Variants in ABCA3 observed in about 807,000 individuals in gnomAD.
ABCA3 encodes phospholipid-transporting ATPase ABCA3.
A neutral mutation model predicts 172.8 loss-of-function variants in ABCA3; 88 were observed. That is an observed-to-expected ratio of 0.51 (90% CI 0.43 to 0.61). ABCA3 has a LOEUF of 0.61. Ranked by LOEUF, ABCA3 falls within the 20% of genes least tolerant of loss-of-function variation. The pLI is 0.00. For synonymous variants in ABCA3, 1,066 were observed against 983.8 expected (o/e 1.08, Z -1.56); for missense variants, 2,164 against 2,301.0 (o/e 0.94, Z 1.22).
intron 1 of ABCA3, among the ~76,000 whole-genome samples, chr16:2,335,310 G>A (rs773041401): frequency 6.6e-6 from 1 of 152,034 alleles, no homozygotes; most frequent in Non-Finnish European, 1.5e-5. Context: ...TGATTTGTTT[G>A]TTTGTTTGTT....
chr16:2,288,084 C>T lies in ABCA3; in HGVS notation c.2946G>A (p.Leu982=), dbSNP rs374577775. 6.2e-6 allele frequency: 10 copies of T among 1,613,296 alleles called. No individual in the cohort carries two copies. The highest frequency in any genetic ancestry group is 8.5e-6 in the Non-Finnish European group (10 of 1,180,030). Reference sequence around the variant, plus strand: ...GCAGTGCGTCTTTCAGATGCTCTGACAGCTGCTGACCCAGCTGGGAGGTCC... The same window carrying T: ...GCAGTGCGTCTTTCAGATGCTCTGATAGCTGCTGACCCAGCTGGGAGGTCC... ...VPGTSQLGQQ[L]SEHLKDALQA... The change falls in exon 21 of 33, where the codon CTG becomes CTA. Residue 982 remains leucine, a synonymous_variant. Coordinates refer to ENST00000301732, the MANE Select transcript of ABCA3 (RefSeq NM_001089.3).
Position 2,285,015 on chromosome 16 carries a change from A to G in ABCA3, c.3484-17T>C. On this transcript the variant is annotated splice_polypyrimidine_tract_variant and intron_variant, in intron 23 of 32. Transcript: ENST00000301732. This position sits in a 1 kb window ranked among gnomAD's most constrained non-coding sequence, Gnocchi z 4.7. ...AAACACCACCTGCGGCGGCACAGGG[A>G]GGCGCTGCTGTGCATGCCAAGCTGA... 6.2e-7 allele frequency: 1 copy of G among 1,609,566 alleles called. No homozygotes were observed. The highest frequency in any genetic ancestry group is 8.5e-7 in the Non-Finnish European group (1 of 1,178,686).
chr16:2,324,614 A>G (rs2093731504), intron 5 of ABCA3, 83 bp from the exon 6 acceptor site: 7 of 1,585,826 alleles, frequency 4.4e-6, no homozygotes, highest in Non-Finnish European at 6.0e-6. Flanking sequence ...TCACTGGCAG[A>G]TGAAAGACGG....
At position 2,297,551 on chromosome 16, in the gene ABCA3, G is replaced by C; in HGVS notation, c.2053-12C>G. 6.2e-7 allele frequency: 1 copy of C among 1,611,680 alleles called. No homozygotes were observed. Among genetic ancestry groups the C allele is most frequent in the South Asian group, 1.1e-5 (1 of 91,016 alleles). On this transcript the variant is annotated splice_polypyrimidine_tract_variant and intron_variant, in intron 16 of 32. Coordinates refer to ENST00000301732, the MANE Select transcript of ABCA3 (RefSeq NM_001089.3). This position sits in a 1 kb window ranked among gnomAD's most constrained non-coding sequence, Gnocchi z 5.6. ...TCCAGTATCAGCACCTGGAGGGAGAGACACAGTCTCGCGACGCTGGTAGAG... is the reference window on the plus strand; with the variant it reads ...TCCAGTATCAGCACCTGGAGGGAGACACACAGTCTCGCGACGCTGGTAGAG...
At position 2,317,349 on chromosome 16, in the gene ABCA3, A is replaced by G. The variant is rs1168214760; in HGVS notation, c.1045T>C (p.Phe349Leu). Residue 349 changes from phenylalanine (F) to leucine (L), a missense_variant, in exon 10 of 33, where the codon TTC (phenylalanine) becomes CTC (leucine). By Grantham distance (22) the Phe-to-Leu change is conservative. Transcript: ENST00000301732. ...GTAGAGATGGCGAAGCACAGCAGGA[A>G]GGCGAGCACCAGGGAGGGGTCGCTG... Reference protein sequence around the residue: ...SRSDPSLVLAFLLCFAISTIS... With the variant: ...SRSDPSLVLALLLCFAISTIS... 1 of 1,614,104 alleles carries G rather than the reference A, an allele frequency of 6.2e-7. No individual in the cohort carries two copies. Among genetic ancestry groups the G allele is most frequent in the Non-Finnish European group, 8.5e-7 (1 of 1,180,028 alleles).
intron 20 of ABCA3, chr16:2,289,136 A>G (rs1414738044): frequency 4.5e-6 from 2 of 441,656 alleles, no homozygotes; most frequent in Non-Finnish European, 8.2e-6. Flanking sequence ...GCATCAACCA[A>G]CCTCCGTGTC....
Position 2,295,605 on chromosome 16 carries a change from C to G in ABCA3, c.2399G>C (p.Arg800Thr), listed in dbSNP as rs773905661. ...GGAGGCGTACCTGTGCGTGCTCTCTCTGGGAAGGATGAAAGACAGCTCGGC... is the reference window on the plus strand; with the variant it reads ...GGAGGCGTACCTGTGCGTGCTCTCTGTGGGAAGGATGAAAGACAGCTCGGC... Reference protein sequence around the residue: ...AGAELSFILPRESTHRFEGLF... With the variant: ...AGAELSFILPTESTHRFEGLF... The change falls in exon 18 of 33, where the codon AGA (arginine) becomes ACA (threonine). Residue 800 changes from arginine (R) to threonine (T), a missense_variant. By Grantham distance (71) the Arg-to-Thr change is moderately conservative (BLOSUM62 -1). Transcript: ENST00000301732. 6 of 1,613,640 alleles carry G rather than the reference C, an allele frequency of 3.7e-6. No individual in the cohort carries two copies. The highest frequency in any genetic ancestry group is 5.1e-6 in the Non-Finnish European group (6 of 1,180,050).
intron 12 of ABCA3, among the ~76,000 whole-genome samples, chr16:2,301,993 C>A (rs941981634): frequency 6.6e-6 from 1 of 152,268 alleles, no homozygotes; most frequent in African/African-American, 2.4e-5. Flanking sequence ...CGCTTAAAGG[C>A]ATTCTTAAGC....
chr16:2,277,660 C>T lies in ABCA3; in HGVS notation c.4920G>A (p.Leu1640=). ...GGACCATGCCTTGGTGCTCATCTTC[C>T]AGGACGCTGCCTGCACAAAGGAGAG... ...FVDLTFPGSV[L]EDEHQGMVHY... is the part of the protein sequence containing the mutation. The change falls in exon 32 of 33, where the codon CTG becomes CTA. Residue 1640 remains leucine, a synonymous_variant. Coordinates refer to ENST00000301732, the MANE Select transcript of ABCA3 (RefSeq NM_001089.3). This position sits in a 1 kb window ranked among gnomAD's most constrained non-coding sequence, Gnocchi z 5.3. 6.2e-7 allele frequency: 1 copy of T among 1,613,202 alleles called. No homozygotes were observed. The highest frequency in any genetic ancestry group is 8.5e-7 in the Non-Finnish European group (1 of 1,180,022).
At chr16:2,291,275 G>A (rs1596837962) in intron 19 of ABCA3, among the ~76,000 whole-genome samples, 1 of 152,142 alleles carries the variant, frequency 6.6e-6, no homozygotes, top group South Asian at 2.1e-4. Context: ...GCAGTGAGCT[G>A]AGATTGCACC....
intron 19 of ABCA3, among the ~76,000 whole-genome samples, chr16:2,290,568 C>T (rs1206161993): frequency 3.3e-5 from 5 of 152,182 alleles, no homozygotes; most frequent in African/African-American, 4.8e-5. Context: ...CCCTCAGAGC[C>T]GGCTGACTCC....
At position 2,285,173 on chromosome 16, in the gene ABCA3, C is replaced by G. The variant is rs1489853707; in HGVS notation, c.3484-175G>C. 1.3e-5 allele frequency among the ~76,000 whole-genome samples: 2 copies of G among 152,230 alleles called. No homozygotes were observed. The highest frequency in any genetic ancestry group is 2.9e-5 in the Non-Finnish European group (2 of 68,042). On this transcript the variant is annotated intron_variant, in intron 23 of 32. Coordinates refer to ENST00000301732, the MANE Select transcript of ABCA3 (RefSeq NM_001089.3). This position sits in a 1 kb window ranked among gnomAD's most constrained non-coding sequence, Gnocchi z 4.7. ...CGCGGTGGCTTTCAGCCCCAGGACC[C>G]TCTCTGTCCCAGTTTCCCCTCGTCC... is the stretch of plus-strand genomic sequence containing the variant.
rs147690211 is a variant in ABCA3 at position 2,319,814 on chromosome 16, C to T, written c.640G>A (p.Val214Met). ...ATGGCCCGGTCCACAGCATGCTGCA[C>T]GGCCAGGAAGCCTTCCCGGATGTAC... ...PGYIREGFLAVQHAVDRAIME... is the reference protein window; with the variant it reads ...PGYIREGFLAMQHAVDRAIME... The change falls in exon 8 of 33, where the codon GTG (valine) becomes ATG (methionine). Residue 214 changes from valine (V) to methionine (M), a missense_variant. This residue lies in a region of ABCA3 where 1,343 missense variants were observed against 1,369.6 expected (regional missense o/e 0.98). Coordinates refer to ENST00000301732, the MANE Select transcript of ABCA3 (RefSeq NM_001089.3). 67 of 1,613,840 alleles carry T rather than the reference C, an allele frequency of 4.2e-5. No individual in the cohort carries two copies. Among genetic ancestry groups the T allele is most frequent in the Admixed American group, 1.2e-4 (7 of 59,978 alleles).
intron 1 of ABCA3, among the ~76,000 whole-genome samples, chr16:2,336,441 T>C (rs2093751874): frequency 6.6e-6 from 1 of 151,958 alleles, no homozygotes; most frequent in South Asian, 2.1e-4. Context: ...CTTTTTTTTT[T>C]TTTTTTGAGA....
Position 2,276,073 on chromosome 16 carries a change from G to A in ABCA3, c.*601C>T. ...GTGCCGGCTGCTTCTAGGAGATGCT[G>A]TGGGACGGTGCCCGGCTTCGCGGTG... On this transcript the variant is annotated 3_prime_UTR_variant, in exon 33 of 33. Coordinates refer to ENST00000301732, the MANE Select transcript of ABCA3 (RefSeq NM_001089.3). 3.3e-6 allele frequency: 1 copy of A among 303,774 alleles called. No individual in the cohort carries two copies. The highest frequency in any genetic ancestry group is 6.5e-6 in the Non-Finnish European group (1 of 153,430). 18.8% of individuals were successfully genotyped at this position (303,774 alleles called of 1,614,324 possible). A position where few individuals can be genotyped will look rare whatever the true frequency, so the allele number is the denominator to read the frequency against.
intron 10 of ABCA3, among the ~76,000 whole-genome samples, chr16:2,317,067 T>A (rs2093717080): frequency 6.6e-6 from 1 of 152,174 alleles, no homozygotes; most frequent in Non-Finnish European, 1.5e-5. Flanking sequence ...TGGACAGCAC[T>A]CGGCATGGCC....
At chr16:2,310,455 A>C (rs182093973) in intron 10 of ABCA3, among the ~76,000 whole-genome samples, 122 of 151,776 alleles carry the variant, frequency 8.0e-4, no homozygotes, top group African/African-American at 2.7e-3. Flanking sequence ...AAACACCCAC[A>C]CACACACACT....
At position 2,281,403 on chromosome 16, in the gene ABCA3, A is replaced by G; in HGVS notation, c.4142T>C (p.Leu1381Pro). The stretch of plus-strand genomic sequence containing the variant: ...TACCTTGGAGAGCTCCTTGATAATC[A>G]GAGGTGTGTGGAGCAGGGAGTCCGG... ...PSPDSLLHTP[L>P]IIKELSKVYE... Residue 1381 changes from leucine to proline, a missense_variant, in exon 27 of 33, where the codon CTG becomes CCG. By Grantham distance (98) the Leu-to-Pro change is moderately conservative. This residue lies in a region of ABCA3 where 795 missense variants were observed against 881.9 expected (regional missense o/e 0.90). Coordinates refer to ENST00000301732, the MANE Select transcript of ABCA3 (RefSeq NM_001089.3). This position sits in a 1 kb window ranked among gnomAD's most constrained non-coding sequence, Gnocchi z 4.7. 1 of 1,613,740 alleles carries G rather than the reference A, an allele frequency of 6.2e-7. No homozygotes were observed. Among genetic ancestry groups the G allele is most frequent in the Non-Finnish European group, 8.5e-7 (1 of 1,179,998 alleles).
chr16:2,278,277 C>T lies in ABCA3; in HGVS notation c.4718+11G>A. 6.2e-7 allele frequency: 1 copy of T among 1,606,432 alleles called. No homozygotes were observed. Among genetic ancestry groups the T allele is most frequent in the Non-Finnish European group, 8.5e-7 (1 of 1,179,974 alleles). ...CTGAAACTTCCAGTAACCCACAGAC[C>T]CAGGCTCTACCTGTGGGAGGTGATG... On this transcript the variant is annotated intron_variant, in intron 30 of 32. Transcript: ENST00000301732. The surrounding 1 kb of genome is among the most constrained non-coding windows in gnomAD (Gnocchi z 4.4).
Sources: allele counts gnomAD v4.1 joint callset (sites outside exome capture counted in the v4.1 genomes callset), GRCh38; gene constraint gnomAD v4.1.1; regional missense constraint gnomAD v4.1.1; non-coding constraint Gnocchi (gnomAD v3.1); transcripts MANE v1.5; gene names NCBI Gene and HGNC (gene_info 2026-07-23, HGNC 2026-07-21).